Variants in ITGAX observed in about 807,000 individuals in gnomAD.
ITGAX encodes the protein integrin subunit alpha X, also known as integrin alpha-X.
Under a neutral mutation model 140.2 loss-of-function variants are expected in ITGAX, and 99 were observed. The observed-to-expected ratio is 0.71, with a 90% CI of 0.60 to 0.83. ITGAX has a LOEUF of 0.83. ITGAX is among the 40% of genes least tolerant of loss of function. The probability of loss-of-function intolerance (pLI) is 0.00; values close to 1 mark genes in which losing one functional copy is unlikely to be tolerated. For synonymous variants in ITGAX, 631 were observed against 600.4 expected, an observed-to-expected ratio of 1.05 and a Z score of -0.75; for missense variants, 1,444 against 1,482.0, an observed-to-expected ratio of 0.97 and a Z score of 0.42.
At chr16:31,366,342 A>G (rs1447731475) in intron 14 of ITGAX, among the ~76,000 whole-genome samples, 1 of 152,126 alleles carries the variant, frequency 6.6e-6, no homozygotes, top group Non-Finnish European at 1.5e-5. Flanking sequence ...ATGAAGGCGA[A>G]CTTCATAAAT....
intron 5 of ITGAX, among the ~76,000 whole-genome samples, chr16:31,359,412 C>A (rs990384115): frequency 6.6e-6 from 1 of 152,164 alleles, no homozygotes; most frequent in East Asian, 1.9e-4. Flanking sequence ...GATCCGCCCC[C>A]CTCGGCCTCC....
Position 31,382,359 on chromosome 16 carries a change from T to C in ITGAX, c.*452T>C, listed in dbSNP as rs2081077584. The C allele has an allele frequency of 2.2e-6, 3 of 1,374,218 alleles. No homozygotes were observed. Among genetic ancestry groups the C allele is most frequent in the Non-Finnish European group, 3.0e-6 (3 of 1,003,164 alleles). 85.1% of individuals were successfully genotyped at this position (1,374,218 alleles called of 1,614,324 possible). A position where few individuals can be genotyped will look rare whatever the true frequency, so the allele number is the denominator to read the frequency against. On this transcript the variant is annotated 3_prime_UTR_variant, in exon 30 of 30. Transcript: ENST00000268296. ...CTCCCGGGTTCAAGTAATTCTGCTG[T>C]CTCAGCCTCCTGAGTAGCTGGGACT...
chr16:31,358,764 A>T (rs1407034446), intron 5 of ITGAX, among the ~76,000 whole-genome samples: 3 of 145,556 alleles, frequency 2.1e-5, no homozygotes, highest in Non-Finnish European at 1.5e-5. Flanking sequence ...AGGGTGGTGG[A>T]GGGGTAGGCC....
Position 31,377,082 on chromosome 16 carries a change from G to C in ITGAX, c.2705+3G>C. On this transcript the variant is annotated splice_donor_region_variant and intron_variant, in intron 22 of 29. Coordinates refer to ENST00000268296, the MANE Select transcript of ITGAX (RefSeq NM_000887.5). The stretch of plus-strand genomic sequence containing the variant: ...CTTCTGACAGCCAATGTGAGCAGGT[G>C]AGCCGGGCCAGGCCAGGGGCAGTGC... 6.2e-6 allele frequency: 10 copies of C among 1,614,146 alleles called. No individual in the cohort carries two copies. The highest frequency in any genetic ancestry group is 8.5e-6 in the Non-Finnish European group (10 of 1,180,020).
chr16:31,360,318 TGTTCCA>T lies in ITGAX; in HGVS notation c.717_722del (p.Leu239_His241delinsPhe). ...CTCTCCTTTCCTGATAGGCACCGATTGTTCCATGCCTCATATGGGGCCCGTAGGGAT... is the reference window on the plus strand; with the variant it reads ...CTCTCCTTTCCTGATAGGCACCGATTTGCCTCATATGGGGCCCGTAGGGAT... On this transcript the variant is annotated inframe_deletion, in exon 8 of 30. Coordinates refer to ENST00000268296, the MANE Select transcript of ITGAX (RefSeq NM_000887.5). 6.2e-7 allele frequency: 1 copy of T among 1,610,900 alleles called. No homozygotes were observed. Among genetic ancestry groups the T allele is most frequent in the Non-Finnish European group, 8.5e-7 (1 of 1,178,336 alleles).
chr16:31,375,626 T>C (rs914183057), intron 20 of ITGAX, among the ~76,000 whole-genome samples: 1 of 152,334 alleles, frequency 6.6e-6, no homozygotes, highest in South Asian at 2.1e-4. Context: ...ATAGTCAAAA[T>C]TGTGTAACTG....
Position 31,362,597 on chromosome 16 carries a change from C to A in ITGAX, c.1217-14C>A. On this transcript the variant is annotated splice_polypyrimidine_tract_variant and intron_variant, in intron 11 of 29. Coordinates refer to ENST00000268296, the MANE Select transcript of ITGAX (RefSeq NM_000887.5). ...GGGAATGGGGGCCTTTGTGCTGAGGCCTGGGCCCCTCAGGTTACTCCACCG... is the reference window on the plus strand; with the variant it reads ...GGGAATGGGGGCCTTTGTGCTGAGGACTGGGCCCCTCAGGTTACTCCACCG... 1.9e-6 allele frequency: 3 copies of A among 1,607,680 alleles called. No individual in the cohort carries two copies. The highest frequency in any genetic ancestry group is 1.7e-6 in the Non-Finnish European group (2 of 1,177,832).
At position 31,371,157 on chromosome 16, in the gene ITGAX, C is replaced by G. The variant is rs772252086; in HGVS notation, c.1784C>G (p.Thr595Ser). 2 of 1,613,692 alleles carry G rather than the reference C, an allele frequency of 1.2e-6. No individual in the cohort carries two copies. The highest frequency in any genetic ancestry group is 1.7e-5 in the Admixed American group (1 of 59,980). Reference protein sequence around the residue: ...GQALSGGQDLTQDGLVDLAVG... With the variant: ...GQALSGGQDLSQDGLVDLAVG... ...GCACTGAGCGGGGGTCAAGACCTCA[C>G]CCAGGATGGACTGGTGGACCTGGCT... The change falls in exon 15 of 30, where the codon ACC becomes AGC. Residue 595 changes from threonine (T) to serine (S), a missense_variant. By Grantham distance (58) the Thr-to-Ser change is moderately conservative. Coordinates refer to ENST00000268296, the MANE Select transcript of ITGAX (RefSeq NM_000887.5).
chr16:31,373,880 C>T (rs375747273), intron 20 of ITGAX, among the ~76,000 whole-genome samples: 2 of 152,322 alleles, frequency 1.3e-5, no homozygotes, highest in East Asian at 1.9e-4. Context: ...GTGAATATAC[C>T]TGCGATGCAG....
intron 23 of ITGAX, among the ~76,000 whole-genome samples, chr16:31,379,257 C>T (rs1412153938): frequency 1.3e-5 from 2 of 152,114 alleles, no homozygotes; most frequent in African/African-American, 2.4e-5. Context: ...GCTGGGATTA[C>T]AGGTGCACAC....
chr16:31,374,536 C>A (rs1028703076), intron 20 of ITGAX, among the ~76,000 whole-genome samples: 3 of 152,058 alleles, frequency 2.0e-5, no homozygotes, highest in Admixed American at 1.3e-4. Flanking sequence ...ACCTCCTGGG[C>A]TCAAGCGATC....
At chr16:31,365,231 G>A (rs2080880917) in intron 14 of ITGAX, among the ~76,000 whole-genome samples, 1 of 152,148 alleles carries the variant, frequency 6.6e-6, no homozygotes, top group South Asian at 2.1e-4. Flanking sequence ...GAGGGTGACT[G>A]CTAATGGGTG....
At chr16:31,372,229 C>G (rs1294420162) in intron 17 of ITGAX, 149 bp from the exon 18 acceptor site, 1 of 827,062 alleles carries the variant, frequency 1.2e-6, no homozygotes, top group Admixed American at 2.8e-5. Context: ...GTCAGGGAGG[C>G]CTCCTGAAGG....
rs534386912 is a variant in ITGAX at position 31,372,441 on chromosome 16, C to T, written c.2224C>T (p.Pro742Ser). The T allele has an allele frequency of 2.2e-5, 35 of 1,608,920 alleles. No individual in the cohort carries two copies. In the South Asian group the frequency reaches 3.4e-4, roughly 16 times the overall value. Reference sequence around the variant, plus strand: ...TCTGAACTTCACGCTGGTGGGCAAGCCCCTCCTTGCCTTCAGAAACCTGCG... The same window carrying T: ...TCTGAACTTCACGCTGGTGGGCAAGTCCCTCCTTGCCTTCAGAAACCTGCG... Reference protein sequence around the residue: ...LRLNFTLVGKPLLAFRNLRPM... With the variant: ...LRLNFTLVGKSLLAFRNLRPM... Residue 742 changes from proline (P) to serine (S), a missense_variant, in exon 18 of 30, where the codon CCC becomes TCC. Coordinates refer to ENST00000268296, the MANE Select transcript of ITGAX (RefSeq NM_000887.5).
chr16:31,358,993 A>T (rs555560149), intron 5 of ITGAX, among the ~76,000 whole-genome samples: 1 of 150,810 alleles, frequency 6.6e-6, no homozygotes, highest in African/African-American at 2.4e-5. Flanking sequence ...GATTTTTAAC[A>T]ATTTTTAGTA....
chr16:31,358,925 C>G (rs138258116), intron 5 of ITGAX, among the ~76,000 whole-genome samples: 1 of 151,096 alleles, frequency 6.6e-6, no homozygotes, highest in South Asian at 2.1e-4. Context: ...TCAAGTGATC[C>G]TCCCACCTCA....
chr16:31,366,873 T>C (rs1185852632), intron 14 of ITGAX, among the ~76,000 whole-genome samples: 2 of 152,180 alleles, frequency 1.3e-5, no homozygotes, highest in Non-Finnish European at 2.9e-5. Context: ...GAAGAAGCCA[T>C]GCCAAAAGCC....
intron 4 of ITGAX, 60 bp downstream of exon 4, chr16:31,357,161 G>T: frequency 2.5e-6 from 4 of 1,568,916 alleles, no homozygotes; most frequent in Non-Finnish European, 3.5e-6. Flanking sequence ...CGGGGCCGCG[G>T]GGGGCTGGGA....
rs760314760 is a variant in ITGAX, at chr16:31,371,729, G to A, written c.2105G>A (p.Arg702Gln). 6.8e-6 allele frequency: 11 copies of A among 1,614,022 alleles called. No individual in the cohort carries two copies. In the African/African-American group the frequency reaches 9.3e-5, roughly 14 times the overall value. Residue 702 changes from arginine (R) to glutamine (Q), a missense_variant, in exon 17 of 30, where the codon CGA becomes CAA. Coordinates refer to ENST00000268296, the MANE Select transcript of ITGAX (RefSeq NM_000887.5). ...GAAACAAAGAACCGGAGTCTGAGCC[G>A]AGTCCGAGTCCTCGGGCTGAAGGCA... ...FQETKNRSLS[R>Q]VRVLGLKAHC...
Sources: gnomAD v4.1 joint callset for allele counts (sites outside exome capture counted in the v4.1 genomes callset) on GRCh38, gnomAD v4.1.1 for gene constraint, MANE v1.5 for transcripts, NCBI Gene and HGNC (gene_info 2026-07-23, HGNC 2026-07-21) for gene names.